Variants in DPP10 observed in about 807,000 individuals in gnomAD.
DPP10 encodes the protein inactive dipeptidyl peptidase 10.
In DPP10, 33 loss-of-function variants were observed where a neutral mutation model predicts 120.9. The observed-to-expected ratio is 0.27, with a 90% CI of 0.21 to 0.37. The LOEUF (loss-of-function observed/expected upper bound fraction) is 0.37. Ranked by LOEUF, DPP10 falls within the 10% of genes least tolerant of loss-of-function variation. The pLI, the probability that DPP10 is intolerant of heterozygous loss-of-function variation, is 1.00. For synonymous variants in DPP10, 337 were observed against 326.1 expected (o/e 1.03, Z -0.36); for missense variants, 816 against 942.8 (o/e 0.87, Z 1.76).
intron 1 of DPP10, among the ~76,000 whole-genome samples, chr2:114,722,581 C>A (rs2105910875): frequency 6.6e-6 from 1 of 151,954 alleles, no homozygotes; most frequent in South Asian, 2.1e-4. Context: ...TTGAGACCAT[C>A]CTGGCTAACA....
intron 1 of DPP10, among the ~76,000 whole-genome samples, chr2:114,752,137 AC>A (rs1558703778): frequency 7.8e-5 from 11 of 140,540 alleles, no homozygotes; most frequent in Admixed American, 2.8e-4. Flanking sequence ...GGGTCTACAC[AC>A]TGAGAACCAC....
At position 115,406,705 on chromosome 2, in the gene DPP10, TTTTAA is replaced by T. The variant is rs1339251509; in HGVS notation, c.271+62796_271+62800del. On this transcript the variant is annotated intron_variant, in intron 3 of 25. Transcript: ENST00000410059. ...ATATTACTAGTTATAAAGAGGGATC[TTTTAA>T]TTAAAAAAAGGTCAACACGGAAGGA... Among the ~76,000 whole-genome samples, 2 of 152,102 alleles carry T rather than the reference TTTTAA, an allele frequency of 1.3e-5. 1 individual carries two copies. The highest frequency in any genetic ancestry group is 2.9e-5 in the Non-Finnish European group (2 of 68,024).
At chr2:115,707,184 A>G (rs546137891) in intron 7 of DPP10, among the ~76,000 whole-genome samples, 9 of 151,912 alleles carry the variant, frequency 5.9e-5, no homozygotes, top group Admixed American at 1.3e-4. Flanking sequence ...CTTACAGTAA[A>G]ACATGAAAAA....
chr2:114,559,671 G>C (rs1573652973), intron 1 of DPP10, among the ~76,000 whole-genome samples: 2 of 152,204 alleles, frequency 1.3e-5, no homozygotes, highest in East Asian at 3.9e-4. Context: ...TCTCCAGAGA[G>C]GGAGTTCTAG....
intron 1 of DPP10, among the ~76,000 whole-genome samples, chr2:114,945,235 G>A (rs374940407): frequency 1.3e-5 from 2 of 152,150 alleles, no homozygotes; most frequent in Admixed American, 6.5e-5. Flanking sequence ...AAATTGATAC[G>A]TTGCATTTTA....
chr2:115,403,959 T>C (rs970493606), intron 3 of DPP10, among the ~76,000 whole-genome samples: 10 of 152,036 alleles, frequency 6.6e-5, no homozygotes, highest in Admixed American at 6.6e-4. Flanking sequence ...TAATGGTCTA[T>C]CTTAAAAGGA....
At chr2:114,601,990 A>G (rs1692407554) in intron 1 of DPP10, among the ~76,000 whole-genome samples, 1 of 151,988 alleles carries the variant, frequency 6.6e-6, no homozygotes, top group African/African-American at 2.4e-5. Context: ...AATCAATAGC[A>G]ATAATACATA....
intron 11 of DPP10, among the ~76,000 whole-genome samples, chr2:115,757,325 T>C (rs1371691236): frequency 6.6e-6 from 1 of 151,670 alleles, no homozygotes; most frequent in Non-Finnish European, 1.5e-5. Context: ...GACTGGGCAA[T>C]TTCCAAAAAA....
chr2:115,740,528 G>A (rs1677123132), intron 9 of DPP10, among the ~76,000 whole-genome samples: 1 of 152,078 alleles, frequency 6.6e-6, no homozygotes, highest in Non-Finnish European at 1.5e-5. Context: ...TACCTTGGCA[G>A]AGCATACTCT....
intron 1 of DPP10, among the ~76,000 whole-genome samples, chr2:114,660,644 G>C (rs1358031268): frequency 6.6e-6 from 1 of 152,160 alleles, no homozygotes. Flanking sequence ...ATTGGTAATA[G>C]GAGAGTTTTT....
At chr2:115,223,873 G>A (rs1028073379) in intron 1 of DPP10, among the ~76,000 whole-genome samples, 3 of 152,066 alleles carry the variant, frequency 2.0e-5, no homozygotes, top group African/African-American at 7.2e-5. Flanking sequence ...TCACCAACAC[G>A]TCTTGTTTTA....
intron 1 of DPP10, among the ~76,000 whole-genome samples, chr2:114,484,207 C>T (rs1220017106): frequency 6.6e-6 from 1 of 152,112 alleles, no homozygotes; most frequent in East Asian, 1.9e-4. Context: ...TGAGGTATCT[C>T]CGACAACTCT....
chr2:115,701,230 T>C (rs2091875300), intron 7 of DPP10, among the ~76,000 whole-genome samples: 1 of 152,056 alleles, frequency 6.6e-6, no homozygotes, highest in South Asian at 2.1e-4. Flanking sequence ...ATAAATTAAC[T>C]GTGCTGGTAC....
chr2:115,095,420 G>T (rs7575500), intron 1 of DPP10, among the ~76,000 whole-genome samples: 120,519 of 151,858 alleles, frequency 0.79, 48,577 homozygotes, highest in Non-Finnish European at 0.88. Flanking sequence ...AGCAGGTGAG[G>T]GCAGTGGAGC....
At chr2:115,108,971 C>T (rs553934980) in intron 1 of DPP10, among the ~76,000 whole-genome samples, 3 of 152,232 alleles carry the variant, frequency 2.0e-5, no homozygotes, top group South Asian at 4.2e-4. Flanking sequence ...CCTCCTCATC[C>T]ATTTGAGCAG....
chr2:114,564,458 CT>C (rs1689046291), intron 1 of DPP10, among the ~76,000 whole-genome samples: 1 of 152,120 alleles, frequency 6.6e-6, no homozygotes, highest in African/African-American at 2.4e-5. Context: ...ACTCTTCCCC[CT>C]ATTTCATATT....
At chr2:115,036,017 A>G (rs1704204907) in intron 1 of DPP10, among the ~76,000 whole-genome samples, 1 of 152,244 alleles carries the variant, frequency 6.6e-6, no homozygotes, top group Admixed American at 6.5e-5. Context: ...TCACAGTGCT[A>G]TAAAGAAATA....
intron 1 of DPP10, among the ~76,000 whole-genome samples, chr2:114,732,099 A>C (rs1376822738): frequency 1.3e-5 from 2 of 152,230 alleles, no homozygotes; most frequent in Non-Finnish European, 1.5e-5. Flanking sequence ...CTGGTGTGAC[A>C]GTTAATGCTA....
chr2:115,298,267 G>A (rs1280467614), intron 1 of DPP10, among the ~76,000 whole-genome samples: 1 of 151,974 alleles, frequency 6.6e-6, no homozygotes, highest in Non-Finnish European at 1.5e-5. Context: ...TGTGTGTTAG[G>A]CATAACTAGT....
Sources: gnomAD v4.1 joint callset for allele counts (sites outside exome capture counted in the v4.1 genomes callset) on GRCh38, gnomAD v4.1.1 for gene constraint, MANE v1.5 for transcripts, NCBI Gene and HGNC (gene_info 2026-07-23, HGNC 2026-07-21) for gene names.